DOCK4: variants seen among roughly 807,000 people sequenced by gnomAD.
DOCK4 encodes dedicator of cytokinesis 4, also known as dedicator of cytokinesis protein 4.
A neutral mutation model predicts 268.1 loss-of-function variants in DOCK4; 97 were observed. The observed-to-expected ratio is 0.36, with a 90% CI of 0.31 to 0.43. The LOEUF (loss-of-function observed/expected upper bound fraction) is 0.43. DOCK4 is among the 20% of genes least tolerant of loss of function. The probability of loss-of-function intolerance (pLI) is 1.00; values close to 1 mark genes in which losing one functional copy is unlikely to be tolerated. For missense variants in DOCK4, 2,145 were observed against 2,455.7 expected (o/e 0.87, Z 2.67); for synonymous variants, 954 against 887.2 (o/e 1.08, Z -1.34).
chr7:111,756,173 C>T (rs4730498), intron 41 of DOCK4, among the ~76,000 whole-genome samples: 143,779 of 152,084 alleles, frequency 0.95, 68,058 homozygotes, highest in East Asian at 0.98. Flanking sequence ...ATGGTGAAAC[C>T]GCGTCTCTGC....
chr7:111,996,126 C>T (rs1373098461), intron 4 of DOCK4, among the ~76,000 whole-genome samples: 3 of 152,240 alleles, frequency 2.0e-5, no homozygotes, highest in East Asian at 3.9e-4. Context: ...AGTGACATGA[C>T]CTCAGTAGGA....
chr7:111,786,784 G>T (rs1342330061), intron 32 of DOCK4, among the ~76,000 whole-genome samples: 1 of 152,190 alleles, frequency 6.6e-6, no homozygotes, highest in Non-Finnish European at 1.5e-5. Context: ...CTAATTCATT[G>T]TGATTTCTGT....
At chr7:111,803,512 T>A (rs762246043) in intron 30 of DOCK4, among the ~76,000 whole-genome samples, 1 of 152,212 alleles carries the variant, frequency 6.6e-6, no homozygotes, top group Non-Finnish European at 1.5e-5. Flanking sequence ...TAGGGAAGTA[T>A]TGATTTTTTT....
At chr7:112,087,385 G>C (rs1172247200) in intron 1 of DOCK4, among the ~76,000 whole-genome samples, 8 of 151,930 alleles carry the variant, frequency 5.3e-5, no homozygotes, top group African/African-American at 1.9e-4. Context: ...ATTTAGATTT[G>C]TTCTGTTTTG....
intron 36 of DOCK4, among the ~76,000 whole-genome samples, chr7:111,770,549 G>A (rs764767238): frequency 1.1e-4 from 17 of 152,142 alleles, no homozygotes; most frequent in Non-Finnish European, 2.5e-4. Context: ...TATTTGACAG[G>A]ATACTTGCCA....
chr7:111,843,637 T>C (rs924503319), intron 25 of DOCK4, among the ~76,000 whole-genome samples: 2 of 152,220 alleles, frequency 1.3e-5, no homozygotes, highest in African/African-American at 4.8e-5. Flanking sequence ...AGAGCTACTA[T>C]TTTCCATAGT....
intron 1 of DOCK4, among the ~76,000 whole-genome samples, chr7:112,022,387 G>T (rs1242313480): frequency 6.6e-6 from 1 of 152,228 alleles, no homozygotes; most frequent in Admixed American, 6.5e-5. Context: ...CTCGGTGGTG[G>T]TACAGGAGAG....
intron 23 of DOCK4, among the ~76,000 whole-genome samples, chr7:111,853,115 C>T (rs536141927): frequency 5.1e-4 from 77 of 152,158 alleles, no homozygotes; most frequent in Admixed American, 1.1e-3. Context: ...CCACTGGACA[C>T]GGGACTAGGA....
At chr7:112,118,095 AC>A (rs1313336015) in intron 1 of DOCK4, among the ~76,000 whole-genome samples, 1 of 151,898 alleles carries the variant, frequency 6.6e-6, no homozygotes, top group Non-Finnish European at 1.5e-5. Context: ...CCCATTTTCC[AC>A]AAAAATCTCT....
intron 10 of DOCK4, among the ~76,000 whole-genome samples, chr7:111,943,382 T>C (rs1474295033): frequency 6.6e-6 from 1 of 152,208 alleles, no homozygotes; most frequent in Non-Finnish European, 1.5e-5. Context: ...TGCATGTTTT[T>C]TTACCACCCC....
intron 8 of DOCK4, among the ~76,000 whole-genome samples, chr7:111,972,174 A>G (rs1458773710): frequency 6.6e-6 from 1 of 152,204 alleles, no homozygotes; most frequent in Non-Finnish European, 1.5e-5. Flanking sequence ...TTCAGTCTCT[A>G]AAGCTCCAAT....
At position 111,734,336 on chromosome 7, in the gene DOCK4, A is replaced by T. The variant is rs1043836295; in HGVS notation, c.5419+718T>A. ...CAAGTAGCTGGGACTACAGGTGTGT[A>T]CCACCACACCTGGCTAATTTTTATA... On this transcript the variant is annotated intron_variant, in intron 51 of 52. Transcript: ENST00000428084. 1.3e-5 allele frequency among the ~76,000 whole-genome samples: 2 copies of T among 151,974 alleles called. 1 individual carries two copies. The highest frequency in any genetic ancestry group is 2.9e-5 in the Non-Finnish European group (2 of 67,980).
chr7:111,900,702 T>C (rs1791067225), intron 14 of DOCK4, among the ~76,000 whole-genome samples, 166 bp from the exon 15 acceptor site: 1 of 152,136 alleles, frequency 6.6e-6, no homozygotes, highest in African/African-American at 2.4e-5. Flanking sequence ...CTTAGCGGGG[T>C]GTATCTATTT....
intron 30 of DOCK4, among the ~76,000 whole-genome samples, chr7:111,794,919 A>G (rs1799784842): frequency 1.3e-5 from 2 of 152,236 alleles, no homozygotes; most frequent in African/African-American, 2.4e-5. Context: ...AAAAAGAGAG[A>G]GAGACAAGGT....
At chr7:111,886,176 G>A (rs1450326106) in intron 16 of DOCK4, among the ~76,000 whole-genome samples, 1 of 152,036 alleles carries the variant, frequency 6.6e-6, no homozygotes, top group Non-Finnish European at 1.5e-5. Flanking sequence ...TGAAAAGTAG[G>A]TAATCACATT....
chr7:111,895,437 T>C (rs142990258), intron 16 of DOCK4, among the ~76,000 whole-genome samples, 175 bp downstream of exon 16: 17 of 152,338 alleles, frequency 1.1e-4, no homozygotes, highest in African/African-American at 4.1e-4. Context: ...TAAAATATGT[T>C]CTAAAATATA....
intron 42 of DOCK4, 75 bp downstream of exon 42, chr7:111,755,440 G>A: frequency 7.1e-7 from 1 of 1,412,058 alleles, no homozygotes. Flanking sequence ...CGAAGGAGAA[G>A]TAATGAATAT....
intron 1 of DOCK4, among the ~76,000 whole-genome samples, chr7:112,130,099 G>A (rs1357260497): frequency 6.6e-6 from 1 of 152,148 alleles, no homozygotes; most frequent in East Asian, 1.9e-4. Context: ...AGGGAAATTT[G>A]AGCCGAGTTT....
chr7:111,734,121 T>G (rs996757930), intron 51 of DOCK4, among the ~76,000 whole-genome samples: 9 of 151,980 alleles, frequency 5.9e-5, no homozygotes, highest in Non-Finnish European at 1.0e-4. Context: ...CATTTTTTTT[T>G]GTAGAGATGG....
Sources: allele counts gnomAD v4.1 joint callset (sites outside exome capture counted in the v4.1 genomes callset), GRCh38; gene constraint gnomAD v4.1.1; transcripts MANE v1.5; gene names NCBI Gene and HGNC (gene_info 2026-07-23, HGNC 2026-07-21).